The following SYNE1 variants were observed in gnomAD, a reference collection of about 807,000 sequenced individuals.
The protein encoded by SYNE1 is nesprin-1.
SYNE1 carries 616 observed loss-of-function variants against 1,111.0 expected under a neutral mutation model. That is an observed-to-expected ratio of 0.55 (90% CI 0.52 to 0.59). The LOEUF (loss-of-function observed/expected upper bound fraction) is 0.59, where lower values mean the gene tolerates loss of function less well. SYNE1 is among the 20% of genes least tolerant of loss of function. SYNE1 has a pLI of 0.00. For missense variants in SYNE1, 10,006 were observed against 10,417.0 expected (o/e 0.96, Z 1.72); for synonymous variants, 3,855 against 3,825.8 (o/e 1.01, Z -0.28).
chr6:152,160,100 T>C (rs1285799696), intron 131 of SYNE1, among the ~76,000 whole-genome samples: 1 of 151,922 alleles, frequency 6.6e-6, no homozygotes. Context: ...TCCGACTCCC[T>C]GGTTCAAGCG....
chr6:152,288,548 C>G (rs1562805036), intron 95 of SYNE1, among the ~76,000 whole-genome samples: 1 of 152,120 alleles, frequency 6.6e-6, no homozygotes, highest in African/African-American at 2.4e-5. Context: ...TCACTTAAAT[C>G]TTTTTTTAAT....
chr6:152,223,597 G>A (rs1169146968), intron 117 of SYNE1, among the ~76,000 whole-genome samples: 2 of 151,448 alleles, frequency 1.3e-5, no homozygotes, highest in African/African-American at 4.9e-5. Flanking sequence ...CAGTCTGGGC[G>A]ACAGAGCGAG....
intron 123 of SYNE1, among the ~76,000 whole-genome samples, chr6:152,212,015 A>T (rs1440532017): frequency 6.6e-6 from 1 of 152,062 alleles, no homozygotes; most frequent in African/African-American, 2.4e-5. Flanking sequence ...ACTGTTTTTA[A>T]GTTTTAAATT....
intron 117 of SYNE1, 35 bp downstream of exon 117, chr6:152,224,459 A>T (rs539896714): frequency 6.3e-7 from 1 of 1,599,104 alleles, no homozygotes; most frequent in Admixed American, 1.7e-5. Context: ...TAAAATTAAA[A>T]TGAACGTTAA....
chr6:152,385,919 G>T, intron 54 of SYNE1, 81 bp from the exon 55 acceptor site: 2 of 1,344,726 alleles, frequency 1.5e-6, no homozygotes, highest in Non-Finnish European at 2.1e-6. Context: ...CCTGATAGAG[G>T]TCTCTTAACA....
At position 152,362,163 on chromosome 6, in the gene SYNE1, C is replaced by T. The variant is rs1314537528; in HGVS notation, c.10299+7G>A. On this transcript the variant is annotated splice_region_variant and intron_variant, in intron 64 of 145. Coordinates refer to ENST00000367255, the MANE Select transcript of SYNE1 (RefSeq NM_182961.4). ...AAAACACATGGAATCTGAAATCCAG[C>T]TCTCACCTTGGCTTTTCCGAGCATC... is the stretch of plus-strand genomic sequence containing the variant. 6.2e-7 allele frequency: 1 copy of T among 1,614,202 alleles called. No homozygotes were observed. Among genetic ancestry groups the T allele is most frequent in the Admixed American group, 1.7e-5 (1 of 60,026 alleles).
intron 38 of SYNE1, 91 bp downstream of exon 38, chr6:152,427,602 G>A: frequency 6.8e-7 from 1 of 1,468,438 alleles, no homozygotes; most frequent in South Asian, 1.2e-5. Context: ...CAAGAAGGGA[G>A]GTACAAGTTT....
intron 131 of SYNE1, among the ~76,000 whole-genome samples, chr6:152,161,365 G>T: frequency 1.3e-5 from 2 of 148,210 alleles, no homozygotes; most frequent in African/African-American, 2.5e-5. Context: ...TAACTGAATT[G>T]GATTTTGAAA....
At chr6:152,451,426 C>T (rs887092625) in intron 25 of SYNE1, among the ~76,000 whole-genome samples, 2 of 148,952 alleles carry the variant, frequency 1.3e-5, no homozygotes, top group Non-Finnish European at 3.0e-5. Flanking sequence ...GGTGTTTCCT[C>T]AGTGATTACT....
intron 115 of SYNE1, among the ~76,000 whole-genome samples, chr6:152,228,265 T>G (rs1426073477): frequency 6.6e-6 from 1 of 152,228 alleles, no homozygotes; most frequent in Non-Finnish European, 1.5e-5. Context: ...TGTCTTTTGT[T>G]TCAAAGATAT....
At chr6:152,495,741 A>G (rs1270286117) in intron 11 of SYNE1, among the ~76,000 whole-genome samples, 1 of 152,176 alleles carries the variant, frequency 6.6e-6, no homozygotes, top group African/African-American at 2.4e-5. Flanking sequence ...AAATTAGTTT[A>G]GCCTGTGCGG....
At chr6:152,624,074 T>C (rs931923386) in intron 3 of SYNE1, among the ~76,000 whole-genome samples, 2 of 152,176 alleles carry the variant, frequency 1.3e-5, no homozygotes, top group Non-Finnish European at 2.9e-5. Flanking sequence ...TTCATAGCTA[T>C]ATCTCCAAGG....
intron 52 of SYNE1, 135 bp downstream of exon 52, chr6:152,391,142 G>A: frequency 2.4e-6 from 3 of 1,257,526 alleles, no homozygotes; most frequent in Non-Finnish European, 3.4e-6. Context: ...ATCCTTTTTT[G>A]CCCAATTTCT....
rs757204495 is a variant in SYNE1, at chr6:152,465,938, T to G, written c.1729+44A>C. 45 of 1,331,786 alleles carry G rather than the reference T, an allele frequency of 3.4e-5. No individual in the cohort carries two copies. In the Middle Eastern group the frequency reaches 7.3e-4, roughly 22 times the overall value. The allele number at this position is 1,331,786 out of a possible 1,614,324, so 82.5% of individuals were successfully genotyped here. ...AGATAGAAACCTGCAGGCTCTAAAT[T>G]CTACTGCAGTCTACGTTGCAACAAA... On this transcript the variant is annotated intron_variant, in intron 17 of 145. Transcript: ENST00000367255.
chr6:152,510,636 T>C (rs2099080379), intron 7 of SYNE1, among the ~76,000 whole-genome samples: 1 of 152,204 alleles, frequency 6.6e-6, no homozygotes, highest in Non-Finnish European at 1.5e-5. Flanking sequence ...AGAACAATTA[T>C]TCTGAATAGA....
chr6:152,319,073 C>T (rs1258786280), intron 84 of SYNE1, 58 bp from the exon 85 acceptor site: 2 of 1,601,198 alleles, frequency 1.2e-6, no homozygotes, highest in Non-Finnish European at 1.7e-6. Context: ...ATAATAGATA[C>T]TAAAAATCTC....
At chr6:152,487,238 T>C (rs1461552436) in intron 12 of SYNE1, among the ~76,000 whole-genome samples, 1 of 152,130 alleles carries the variant, frequency 6.6e-6, no homozygotes, top group Admixed American at 6.5e-5. Flanking sequence ...TGTGTGTTGT[T>C]CCTCCATGTG....
At position 152,148,304 on chromosome 6, in the gene SYNE1, G is replaced by C. The variant is rs201548223; in HGVS notation, c.24717C>G (p.His8239Gln). Residue 8239 changes from histidine to glutamine, a missense_variant, in exon 137 of 146, where the codon CAC (histidine) becomes CAG (glutamine). By Grantham distance (24) the His-to-Gln change is conservative. Around this residue, in one of 7 missense-constraint regions of SYNE1, gnomAD observed 761 missense variants for 795.5 expected, o/e 0.96. Transcript: ENST00000367255. The surrounding 1 kb of genome is among the most constrained non-coding windows in gnomAD (Gnocchi z 4.1). ...GGCTGTCTGCAGAGCGGTCGTGCCA[G>C]TGCAGGTCCGACAGAGCTGCAGAGT... ...LEDSAALSDL[H>Q]WHDRSADSLL... 1.8e-4 allele frequency: 288 copies of C among 1,614,080 alleles called. No individual in the cohort carries two copies. Among genetic ancestry groups the C allele is most frequent in the Non-Finnish European group, 2.2e-4 (261 of 1,179,972 alleles).
intron 3 of SYNE1, among the ~76,000 whole-genome samples, chr6:152,603,872 C>T (rs1273340777): frequency 1.4e-5 from 2 of 140,370 alleles, no homozygotes; most frequent in East Asian, 2.0e-4. Context: ...GATAGATATA[C>T]TATCTATCTA....
Sources: gnomAD v4.1 joint callset for allele counts (sites outside exome capture counted in the v4.1 genomes callset) on GRCh38, gnomAD v4.1.1 for gene constraint, gnomAD v4.1.1 regional missense constraint, Gnocchi (gnomAD v3.1) non-coding constraint, MANE v1.5 for transcripts, NCBI Gene and HGNC (gene_info 2026-07-23, HGNC 2026-07-21) for gene names.